The following EPHA5 variants were observed in gnomAD, a reference collection of about 807,000 sequenced individuals.
The protein encoded by EPHA5 is ephrin type-A receptor 5.
EPHA5 carries 60 observed loss-of-function variants against 105.0 expected under a neutral mutation model. The ratio of observed to expected loss-of-function variants is 0.57; its 90% CI spans 0.46 to 0.71. EPHA5 has a LOEUF of 0.71. Ranked by LOEUF, EPHA5 falls within the 30% of genes least tolerant of loss-of-function variation. The probability of loss-of-function intolerance (pLI) is 0.00; values close to 1 mark genes in which losing one functional copy is unlikely to be tolerated. For synonymous variants in EPHA5, 513 were observed against 449.1 expected, an observed-to-expected ratio of 1.14 and a Z score of -1.80; for missense variants, 1,218 against 1,274.7, an observed-to-expected ratio of 0.96 and a Z score of 0.68.
intron 3 of EPHA5, among the ~76,000 whole-genome samples, chr4:65,499,934 C>G (rs1314792167): frequency 6.6e-6 from 1 of 150,822 alleles, no homozygotes; most frequent in African/African-American, 2.4e-5. Flanking sequence ...TGAGTCCACA[C>G]TTTCTGTCAA....
chr4:65,637,401 T>C (rs998924299), intron 2 of EPHA5, among the ~76,000 whole-genome samples: 1 of 151,552 alleles, frequency 6.6e-6, no homozygotes. Context: ...CATACTCTCC[T>C]ATATGGCAGT....
intron 8 of EPHA5, among the ~76,000 whole-genome samples, chr4:65,381,958 C>T (rs920507743): frequency 6.6e-6 from 1 of 151,730 alleles, no homozygotes; most frequent in Non-Finnish European, 1.5e-5. Context: ...CTTGATGACC[C>T]AAACTCTACC....
At chr4:65,408,372 T>G (rs1722574555) in intron 7 of EPHA5, among the ~76,000 whole-genome samples, 1 of 152,172 alleles carries the variant, frequency 6.6e-6, no homozygotes. Flanking sequence ...TTAATGATGC[T>G]GTTTTGGAAA....
intron 8 of EPHA5, among the ~76,000 whole-genome samples, chr4:65,372,424 G>C (rs996667715): frequency 4.0e-5 from 6 of 151,776 alleles, no homozygotes; most frequent in African/African-American, 1.4e-4. Context: ...CTAAAATGGG[G>C]CATTGGATAT....
At chr4:65,327,655 G>C (rs545787129) in intron 16 of EPHA5, among the ~76,000 whole-genome samples, 1 of 151,286 alleles carries the variant, frequency 6.6e-6, no homozygotes, top group South Asian at 2.1e-4. Flanking sequence ...TGAAAACATG[G>C]ATAAATAAGA....
intron 3 of EPHA5, among the ~76,000 whole-genome samples, chr4:65,571,668 G>A (rs1445729105): frequency 1.3e-5 from 2 of 151,940 alleles, no homozygotes. Context: ...AACTTAAGTT[G>A]ATTCTTAGGT....
chr4:65,576,064 A>AAAGAAAGAAAGAAAGAAAG (rs1560721203), intron 3 of EPHA5, among the ~76,000 whole-genome samples: 1 of 74,314 alleles, frequency 1.3e-5, no homozygotes, highest in East Asian at 5.3e-4. Context: ...GAAAGAAAAG[A>AAAGAAAGAAAGAAAGAAAG]AAAGAAAAGA....
chr4:65,484,741 G>T (rs149620524), intron 5 of EPHA5, among the ~76,000 whole-genome samples: 1 of 152,066 alleles, frequency 6.6e-6, no homozygotes, highest in Non-Finnish European at 1.5e-5. Flanking sequence ...CTTAAGCTTA[G>T]AAATTCCTAG....
chr4:65,657,927 T>C (rs1001811106), intron 1 of EPHA5, among the ~76,000 whole-genome samples: 44 of 151,402 alleles, frequency 2.9e-4, no homozygotes, highest in Non-Finnish European at 5.6e-4. Context: ...AAAAGATATT[T>C]TACTGCCAGT....
rs1402692189 is a variant in EPHA5 at position 65,625,257 on chromosome 4, G to A, written c.246+18106C>T. 2.0e-5 allele frequency among the ~76,000 whole-genome samples: 3 copies of A among 152,046 alleles called. No homozygotes were observed. The East Asian group carries it at 5.8e-4, about 29-fold the overall frequency. On this transcript the variant is annotated intron_variant, in intron 2 of 16. Coordinates refer to ENST00000613740, the MANE Select transcript of EPHA5 (RefSeq NM_001281766.3). Reference sequence around the variant, plus strand: ...CTGAGATAATAGAAGAGAACGCCAAGTGAAAAGAATTACTGTGCCTCATAG... The same window carrying A: ...CTGAGATAATAGAAGAGAACGCCAAATGAAAAGAATTACTGTGCCTCATAG...
intron 2 of EPHA5, among the ~76,000 whole-genome samples, chr4:65,631,906 A>G (rs1194748013): frequency 6.6e-6 from 1 of 152,116 alleles, no homozygotes; most frequent in Non-Finnish European, 1.5e-5. Flanking sequence ...GGGTAAACAC[A>G]GTGATACTTA....
intron 15 of EPHA5, 85 bp from the exon 16 acceptor site, chr4:65,332,213 T>A (rs1290358572): frequency 9.0e-7 from 1 of 1,106,958 alleles, no homozygotes. Flanking sequence ...TCATATTCAA[T>A]GGATCTTTGA....
At chr4:65,572,242 A>C (rs1409259853) in intron 3 of EPHA5, among the ~76,000 whole-genome samples, 1 of 152,156 alleles carries the variant, frequency 6.6e-6, no homozygotes, top group Non-Finnish European at 1.5e-5. Context: ...AGGAAAATAA[A>C]TTATTAGAAA....
Position 65,595,609 on chromosome 4 carries a change from CT to C in EPHA5, c.910+6031del, listed in dbSNP as rs1311004926. ...TTTTTTTTTTTTTTTGAGACGGAGC[CT>C]AACTCTGTCACCCAGGCTGGAGTGC... On this transcript the variant is annotated intron_variant, in intron 3 of 16. Transcript: ENST00000613740. 2.7e-5 allele frequency among the ~76,000 whole-genome samples: 4 copies of C among 147,756 alleles called. No homozygotes were observed. The East Asian group carries it at 7.9e-4, about 29-fold the overall frequency.
intron 1 of EPHA5, among the ~76,000 whole-genome samples, chr4:65,669,213 G>T (rs1034368896): frequency 3.3e-5 from 5 of 151,544 alleles, no homozygotes; most frequent in Admixed American, 2.0e-4. Flanking sequence ...TTCCCCACGC[G>T]CCTTAAGTGA....
chr4:65,482,632 AG>A (rs1730487747), intron 5 of EPHA5, among the ~76,000 whole-genome samples: 3 of 152,156 alleles, frequency 2.0e-5, no homozygotes, highest in Admixed American at 2.0e-4. Context: ...AATGACATCA[AG>A]GTCTGGGAAG....
At chr4:65,359,716 C>T (rs984050734) in intron 11 of EPHA5, among the ~76,000 whole-genome samples, 1 of 151,550 alleles carries the variant, frequency 6.6e-6, no homozygotes, top group Non-Finnish European at 1.5e-5. Flanking sequence ...ATTATACTGA[C>T]CTAATCCATA....
At chr4:65,426,792 T>A (rs1724482089) in intron 5 of EPHA5, among the ~76,000 whole-genome samples, 14 of 152,194 alleles carry the variant, frequency 9.2e-5, no homozygotes, top group Admixed American at 9.2e-4. Flanking sequence ...GTCATCCAGT[T>A]ACTTACCTGT....
intron 3 of EPHA5, among the ~76,000 whole-genome samples, chr4:65,508,150 G>T (rs1733251071): frequency 6.6e-6 from 1 of 152,062 alleles, no homozygotes; most frequent in Non-Finnish European, 1.5e-5. Flanking sequence ...GCCTTGATAG[G>T]TAGGGTGCAC....
Sources: allele counts gnomAD v4.1 joint callset (sites outside exome capture counted in the v4.1 genomes callset), GRCh38; gene constraint gnomAD v4.1.1; transcripts MANE v1.5; gene names NCBI Gene and HGNC (gene_info 2026-07-23, HGNC 2026-07-21).